The following LPXN variants were observed in gnomAD, a reference collection of about 807,000 sequenced individuals.
LPXN encodes the protein leupaxin.
In LPXN, 28 loss-of-function variants were observed where a neutral mutation model predicts 45.6. The observed-to-expected ratio is 0.61, with a 90% CI of 0.45 to 0.84. The LOEUF is 0.84. Among genes scored for constraint, LPXN ranks in the 40% least tolerant of loss-of-function variants. The pLI, the probability that LPXN is intolerant of heterozygous loss-of-function variation, is 0.00. For synonymous variants in LPXN, 166 were observed against 169.9 expected, an observed-to-expected ratio of 0.98 and a Z score of 0.18; for missense variants, 459 against 475.0, an observed-to-expected ratio of 0.97 and a Z score of 0.31.
At chr11:58,557,550 A>G (rs1290078139) in intron 3 of LPXN, among the ~76,000 whole-genome samples, 1 of 152,200 alleles carries the variant, frequency 6.6e-6, no homozygotes, top group East Asian at 1.9e-4. Flanking sequence ...GAGGCAGGAA[A>G]GGGGGTGAAA....
At chr11:58,571,538 A>G (rs1434537028) in intron 1 of LPXN, among the ~76,000 whole-genome samples, 2 of 151,992 alleles carry the variant, frequency 1.3e-5, no homozygotes, top group Non-Finnish European at 2.9e-5. Context: ...AAAGCAAGGT[A>G]TAAGTATCCT....
intron 1 of LPXN, among the ~76,000 whole-genome samples, chr11:58,573,923 C>T (rs145291324): frequency 1.5e-3 from 228 of 152,240 alleles, no homozygotes; most frequent in African/African-American, 5.2e-3. Flanking sequence ...CTAATGCCTA[C>T]GTAATGAGGG....
intron 7 of LPXN, among the ~76,000 whole-genome samples, chr11:58,546,874 C>T (rs1182707368): frequency 6.6e-6 from 1 of 152,106 alleles, no homozygotes; most frequent in Non-Finnish European, 1.5e-5. Flanking sequence ...TTCTGGAATT[C>T]CTCACTCTTG....
intron 7 of LPXN, among the ~76,000 whole-genome samples, chr11:58,540,821 T>G (rs868487049): frequency 1.4e-4 from 21 of 152,258 alleles, no homozygotes; most frequent in Admixed American, 3.3e-4. Context: ...AAACTCACGG[T>G]GATTGCTTTT....
At chr11:58,545,657 T>C (rs571430486) in intron 7 of LPXN, among the ~76,000 whole-genome samples, 26 of 152,276 alleles carry the variant, frequency 1.7e-4, no homozygotes, top group Admixed American at 1.4e-3. Flanking sequence ...CTGGGTCTAT[T>C]GTCAAATAAA....
intron 1 of LPXN, among the ~76,000 whole-genome samples, chr11:58,575,349 C>T (rs896423976): frequency 6.6e-6 from 1 of 152,200 alleles, no homozygotes; most frequent in Non-Finnish European, 1.5e-5. Context: ...TTTTCTTCCT[C>T]ATAACACCCC....
intron 1 of LPXN, among the ~76,000 whole-genome samples, chr11:58,573,852 G>C (rs921760710): frequency 6.6e-6 from 1 of 152,156 alleles, no homozygotes; most frequent in Admixed American, 6.5e-5. Flanking sequence ...GAGTCTCTGA[G>C]GGTTGCATGG....
chr11:58,530,695 A>C (rs1415418106), intron 7 of LPXN, among the ~76,000 whole-genome samples: 1 of 152,172 alleles, frequency 6.6e-6, no homozygotes, highest in Non-Finnish European at 1.5e-5. Flanking sequence ...ACAGGGTTCG[A>C]GCTCTGCTAA....
At chr11:58,563,050 C>G (rs1287774872) in intron 3 of LPXN, among the ~76,000 whole-genome samples, 2 of 152,164 alleles carry the variant, frequency 1.3e-5, no homozygotes, top group Non-Finnish European at 2.9e-5. Flanking sequence ...AGTTAATAAT[C>G]ACAGTGCCAG....
chr11:58,570,809 C>T, intron 1 of LPXN, 96 bp from the exon 2 acceptor site: 1 of 848,068 alleles, frequency 1.2e-6, no homozygotes. Flanking sequence ...ACATTCATCT[C>T]CTTTTCTTCA....
At chr11:58,541,780 G>A (rs1853731334) in intron 7 of LPXN, among the ~76,000 whole-genome samples, 1 of 151,500 alleles carries the variant, frequency 6.6e-6, no homozygotes, top group Admixed American at 6.6e-5. Context: ...GCAAAGACTT[G>A]GAACCAACCC....
intron 7 of LPXN, among the ~76,000 whole-genome samples, chr11:58,534,425 T>C (rs900540481): frequency 3.9e-5 from 6 of 152,060 alleles, no homozygotes; most frequent in African/African-American, 1.4e-4. Context: ...GAACGACTAC[T>C]GGGTAAATAA....
At chr11:58,578,176 C>T (rs990319829), upstream of LPXN, 23 of 1,261,982 alleles carry the variant, frequency 1.8e-5, no homozygotes, top group Non-Finnish European at 2.5e-5. Context: ...TAGGAAAAAC[C>T]CTCCCATCAG....
intron 3 of LPXN, among the ~76,000 whole-genome samples, chr11:58,561,126 C>G (rs541308801): frequency 6.6e-6 from 1 of 151,808 alleles, no homozygotes; most frequent in East Asian, 1.9e-4. Flanking sequence ...CACGACTACT[C>G]AAGCCTTTTC....
chr11:58,536,616 A>G (rs1853561929), intron 7 of LPXN, among the ~76,000 whole-genome samples: 1 of 152,224 alleles, frequency 6.6e-6, no homozygotes, highest in Non-Finnish European at 1.5e-5. Context: ...CTTCATGACT[A>G]AAACACCAAA....
chr11:58,562,658 G>A (rs1364173554), intron 3 of LPXN, among the ~76,000 whole-genome samples: 1 of 152,124 alleles, frequency 6.6e-6, no homozygotes, highest in Non-Finnish European at 1.5e-5. Flanking sequence ...CTACCCCTAA[G>A]CCAAAGGGAA....
upstream of LPXN, chr11:58,577,999 C>G: frequency 2.6e-6 from 4 of 1,550,594 alleles, no homozygotes; most frequent in Non-Finnish European, 3.5e-6. Context: ...TAGGAGCTCA[C>G]AGGTGAGTGA....
intron 7 of LPXN, among the ~76,000 whole-genome samples, chr11:58,536,943 A>C (rs1712838595): frequency 6.6e-6 from 1 of 152,242 alleles, no homozygotes; most frequent in African/African-American, 2.4e-5. Context: ...GAGAAATGCA[A>C]ATCAAAACCA....
At chr11:58,545,311 T>C (rs1853845726) in intron 7 of LPXN, among the ~76,000 whole-genome samples, 2 of 152,178 alleles carry the variant, frequency 1.3e-5, no homozygotes, top group African/African-American at 4.8e-5. Flanking sequence ...TTTTTGTGTG[T>C]GTATCTAACT....
Sources: allele counts gnomAD v4.1 joint callset (sites outside exome capture counted in the v4.1 genomes callset), GRCh38; gene constraint gnomAD v4.1.1; transcripts MANE v1.5; gene names NCBI Gene and HGNC (gene_info 2026-07-23, HGNC 2026-07-21).